POFUT3: variants seen among roughly 807,000 people sequenced by gnomAD.
POFUT3 encodes protein O-fucosyltransferase 3, also known as GDP-fucose protein O-fucosyltransferase 3.
the POFUT3 span, among the ~76,000 whole-genome samples, chr8:33,459,020 A>G: frequency 6.6e-6 from 1 of 152,138 alleles, no homozygotes; most frequent in South Asian, 2.1e-4. Context: ...AACTGTAACT[A>G]CTCATATCCA....
At chr8:33,345,934 T>C in the POFUT3 span, among the ~76,000 whole-genome samples, 967 of 151,340 alleles carry the variant, frequency 6.4e-3, 3 homozygotes, top group Middle Eastern at 0.031. Context: ...CAAGTGATTC[T>C]CCTGCCTCAG....
the POFUT3 span, among the ~76,000 whole-genome samples, chr8:33,368,615 C>T: frequency 6.6e-6 from 1 of 152,172 alleles, no homozygotes; most frequent in South Asian, 2.1e-4. Flanking sequence ...CAGATCTAGG[C>T]ATTTTTCTCT....
the POFUT3 span, among the ~76,000 whole-genome samples, chr8:33,439,459 G>A: frequency 5.3e-5 from 8 of 152,238 alleles, no homozygotes; most frequent in South Asian, 2.1e-4. Flanking sequence ...TCTGTTCTCC[G>A]TGGGAAAGTC....
chr8:33,326,804 G>T, the POFUT3 span, among the ~76,000 whole-genome samples: 1 of 152,074 alleles, frequency 6.6e-6, no homozygotes, highest in Admixed American at 6.5e-5. Context: ...TTGAAATAGG[G>T]TCTCCCTCTG....
chr8:33,322,384 T>C, the POFUT3 span, among the ~76,000 whole-genome samples: 1 of 152,052 alleles, frequency 6.6e-6, no homozygotes, highest in Admixed American at 6.6e-5. Flanking sequence ...TGATCTTCAA[T>C]TTGCTGAGTG....
chr8:33,434,285 C>G, the POFUT3 span, among the ~76,000 whole-genome samples: 1 of 151,932 alleles, frequency 6.6e-6, no homozygotes, highest in Non-Finnish European at 1.5e-5. Flanking sequence ...AAAAGTTGCC[C>G]TGCAGCAGGT....
the POFUT3 span, among the ~76,000 whole-genome samples, chr8:33,431,099 T>C: frequency 1.7e-4 from 26 of 152,160 alleles, no homozygotes; most frequent in East Asian, 2.9e-3. Context: ...TTCAAAGTCA[T>C]CCCTCCTGGA....
At chr8:33,461,179 A>AGTGGT in the POFUT3 span, among the ~76,000 whole-genome samples, 52 of 45,286 alleles carry the variant, frequency 1.1e-3, no homozygotes, top group Non-Finnish European at 2.2e-3. Flanking sequence ...TGTCGGAAGG[A>AGTGGT]AGGAAGGAAG....
At chr8:33,454,663 T>C in the POFUT3 span, among the ~76,000 whole-genome samples, 13 of 151,434 alleles carry the variant, frequency 8.6e-5, no homozygotes, top group African/African-American at 3.2e-4. Flanking sequence ...TATCCAGAAA[T>C]AGTTTTGCCT....
At chr8:33,375,341 G>C in the POFUT3 span, among the ~76,000 whole-genome samples, 1 of 152,154 alleles carries the variant, frequency 6.6e-6, no homozygotes, top group Non-Finnish European at 1.5e-5. Context: ...AAAAAGAAAA[G>C]AAAGAAAATT....
At chr8:33,410,596 G>GTAT in the POFUT3 span, among the ~76,000 whole-genome samples, 2,140 of 152,226 alleles carry the variant, frequency 0.014, 60 homozygotes, top group African/African-American at 0.049. Flanking sequence ...ATTTGGCAAG[G>GTAT]TATGAGACTC....
the POFUT3 span, among the ~76,000 whole-genome samples, chr8:33,332,796 A>G: frequency 0.022 from 3,384 of 152,172 alleles, 113 homozygotes; most frequent in African/African-American, 0.076. Context: ...AGATAGATAG[A>G]CCAAAAAATA....
the POFUT3 span, among the ~76,000 whole-genome samples, chr8:33,416,801 G>A: frequency 1.5e-5 from 2 of 136,624 alleles, no homozygotes; most frequent in South Asian, 2.3e-4. Context: ...AGCTGAGATC[G>A]CACCACTGCA....
the POFUT3 span, among the ~76,000 whole-genome samples, chr8:33,424,565 A>G: frequency 6.6e-6 from 1 of 152,206 alleles, no homozygotes; most frequent in Admixed American, 6.6e-5. Flanking sequence ...CGAAAGGCCT[A>G]GAGAGAAGCA....
At chr8:33,346,030 G>A in the POFUT3 span, among the ~76,000 whole-genome samples, 78 of 151,832 alleles carry the variant, frequency 5.1e-4, no homozygotes, top group Non-Finnish European at 7.7e-4. Flanking sequence ...TCTCCATGTT[G>A]GTCAGGCTGG....
At chr8:33,406,842 G>A in the POFUT3 span, among the ~76,000 whole-genome samples, 1 of 152,124 alleles carries the variant, frequency 6.6e-6, no homozygotes, top group African/African-American at 2.4e-5. Context: ...TTACAGGCAT[G>A]AGCCACTGTC....
At chr8:33,362,423 T>TAACCTTAAATATAA in the POFUT3 span, among the ~76,000 whole-genome samples, 1 of 152,056 alleles carries the variant, frequency 6.6e-6, no homozygotes, top group Admixed American at 6.6e-5. Context: ...ATAACAATAT[T>TAACCTTAAATATAA]AACCTTAAAT....
chr8:33,404,812 C>T, the POFUT3 span, among the ~76,000 whole-genome samples: 2 of 151,986 alleles, frequency 1.3e-5, no homozygotes, highest in Non-Finnish European at 2.9e-5. Context: ...GATGGAAAAC[C>T]TAAAGCCCTG....
the POFUT3 span, chr8:33,436,183 A>G: frequency 8.0e-7 from 1 of 1,246,658 alleles, no homozygotes; most frequent in African/African-American, 1.5e-5. Flanking sequence ...TTCCTAAGGG[A>G]CTGAATGCAC....
Sources: gnomAD v4.1 joint callset for allele counts (sites outside exome capture counted in the v4.1 genomes callset) on GRCh38, gnomAD v4.1.1 for gene constraint, MANE v1.5 for transcripts, NCBI Gene and HGNC (gene_info 2026-07-23, HGNC 2026-07-21) for gene names.